SERGEF: variants seen among roughly 807,000 people sequenced by gnomAD.
The protein encoded by SERGEF is secretion-regulating guanine nucleotide exchange factor.
Under a neutral mutation model 50.0 loss-of-function variants are expected in SERGEF, and 51 were observed. The ratio of observed to expected loss-of-function variants is 1.02; its 90% confidence interval spans 0.81 to 1.29. The LOEUF (loss-of-function observed/expected upper bound fraction) is 1.29, where lower values mean the gene tolerates loss of function less well. Ranked by LOEUF, SERGEF falls within the 50% of genes most tolerant of loss-of-function variation. The pLI, the probability that SERGEF is intolerant of heterozygous loss-of-function variation, is 0.00. For missense variants in SERGEF, 521 were observed against 557.0 expected (o/e 0.94, Z 0.65); for synonymous variants, 205 against 212.4 (o/e 0.97, Z 0.30).
At chr11:17,920,089 T>C (rs527414834) in intron 9 of SERGEF, among the ~76,000 whole-genome samples, 7 of 150,922 alleles carry the variant, frequency 4.6e-5, no homozygotes, top group Non-Finnish European at 8.8e-5. Flanking sequence ...CTACTAAAAA[T>C]ATAAAAAATT....
At chr11:17,827,430 G>A (rs1373700175) in intron 10 of SERGEF, among the ~76,000 whole-genome samples, 1 of 152,184 alleles carries the variant, frequency 6.6e-6, no homozygotes, top group Non-Finnish European at 1.5e-5. Context: ...TCCCAGAAGA[G>A]AAATTTTGAA....
chr11:17,994,527 C>T lies in SERGEF; in HGVS notation c.622+1269G>A, dbSNP rs73428349. On this transcript the variant is annotated intron_variant, in intron 6 of 10. Coordinates refer to ENST00000265965, the MANE Select transcript of SERGEF (RefSeq NM_012139.4). ...CTTAGAATTTTTCCCAGAGGGAACA[C>T]AAAGGAAAAGGCATTTCGGGCAGAG... Among the ~76,000 whole-genome samples, 1,284 of 134,684 alleles carry T rather than the reference C, an allele frequency of 9.5e-3. 16 individuals are homozygous for T. Among genetic ancestry groups the T allele is most frequent in the African/African-American group, 0.029 (1,062 of 36,470 alleles). 88.4% of individuals were successfully genotyped at this position (134,684 alleles called of 152,430 possible).
intron 10 of SERGEF, among the ~76,000 whole-genome samples, chr11:17,858,139 C>A (rs1000620974): frequency 2.6e-5 from 4 of 152,184 alleles, no homozygotes; most frequent in African/African-American, 9.6e-5. Context: ...AAGGATAGGG[C>A]TGAAATCAGA....
chr11:17,849,824 T>G (rs961551311), intron 10 of SERGEF, among the ~76,000 whole-genome samples: 8 of 152,220 alleles, frequency 5.3e-5, no homozygotes, highest in African/African-American at 1.9e-4. Flanking sequence ...AAATCAGGAT[T>G]TAAACTCAAG....
chr11:17,807,334 CCCA>C (rs201880654), intron 10 of SERGEF, among the ~76,000 whole-genome samples: 3 of 69,998 alleles, frequency 4.3e-5, no homozygotes, highest in Non-Finnish European at 1.2e-4. Flanking sequence ...GAACTCCCCC[CCCA>C]CAAAAAAAAT....
intron 10 of SERGEF, among the ~76,000 whole-genome samples, chr11:17,791,042 C>A (rs570774770): frequency 2.2e-4 from 34 of 152,282 alleles, no homozygotes; most frequent in African/African-American, 7.7e-4. Flanking sequence ...GAAGTATCTT[C>A]TTCCAGAAGT....
intron 8 of SERGEF, among the ~76,000 whole-genome samples, chr11:17,976,985 C>T (rs567578080): frequency 5.0e-4 from 76 of 152,326 alleles, no homozygotes; most frequent in African/African-American, 1.8e-3. Flanking sequence ...GGAGCTGAGG[C>T]TCTGTGGCCT....
intron 3 of SERGEF, 59 bp from the exon 4 acceptor site, chr11:18,004,594 G>C: frequency 8.4e-7 from 1 of 1,191,640 alleles, no homozygotes; most frequent in Non-Finnish European, 1.2e-6. Flanking sequence ...GTGACCAATG[G>C]GTAAATGCTG....
At chr11:18,011,662 A>C (rs1242344432) in intron 1 of SERGEF, among the ~76,000 whole-genome samples, 1 of 152,270 alleles carries the variant, frequency 6.6e-6, no homozygotes, top group Non-Finnish European at 1.5e-5. Flanking sequence ...GAAGGGTGTC[A>C]ACAACCTATT....
intron 9 of SERGEF, among the ~76,000 whole-genome samples, chr11:17,908,208 T>C (rs1851887080): frequency 6.6e-6 from 1 of 152,176 alleles, no homozygotes; most frequent in Admixed American, 6.5e-5. Flanking sequence ...CAGAACAAAA[T>C]AGGAGTCCTA....
intron 9 of SERGEF, among the ~76,000 whole-genome samples, chr11:17,896,476 C>G (rs888434569): frequency 6.7e-6 from 1 of 148,936 alleles, no homozygotes; most frequent in East Asian, 2.0e-4. Context: ...TATGCTACAA[C>G]GTATCACATA....
Position 17,907,163 on chromosome 11 carries a change from C to CAAA in SERGEF, c.1012-28922_1012-28920dup, listed in dbSNP as rs200442630. 5.1e-4 allele frequency among the ~76,000 whole-genome samples: 59 copies of CAAA among 116,756 alleles called. 1 individual carries two copies. In the East Asian group the frequency reaches 8.3e-3, roughly 16 times the overall value. The allele number at this position is 116,756 out of a possible 152,430, so 76.6% of individuals were successfully genotyped here. A position where few individuals can be genotyped will look rare whatever the true frequency, so the allele number is the denominator to read the frequency against. On this transcript the variant is annotated intron_variant, in intron 9 of 10. Transcript: ENST00000265965. ...TCTGTCAAACTGTCAAACTTATGAC[C>CAAA]AAAAAAAAAAAAAAAAAAAATGTAC...
At chr11:17,833,802 T>G (rs2133856203) in intron 10 of SERGEF, among the ~76,000 whole-genome samples, 1 of 152,332 alleles carries the variant, frequency 6.6e-6, no homozygotes, top group Middle Eastern at 3.4e-3. Flanking sequence ...TGTAGCCCTT[T>G]GTTTTGGCCA....
At chr11:17,874,228 T>C (rs1300947230) in intron 10 of SERGEF, 1 of 152,184 alleles carries the variant, frequency 6.6e-6, no homozygotes, top group Non-Finnish European at 1.5e-5. Context: ...ACCTATGCCA[T>C]TGGGAAGAAC....
intron 10 of SERGEF, among the ~76,000 whole-genome samples, chr11:17,858,483 T>C (rs1850865723): frequency 6.6e-6 from 1 of 152,120 alleles, no homozygotes; most frequent in African/African-American, 2.4e-5. Flanking sequence ...AGTTCATAAA[T>C]ATTGATCTCT....
chr11:17,801,192 C>T, intron 10 of SERGEF, among the ~76,000 whole-genome samples: 1 of 59,852 alleles, frequency 1.7e-5, no homozygotes, highest in East Asian at 5.9e-4. Context: ...GAGACTCCGT[C>T]TCAAAAAAAA....
intron 9 of SERGEF, among the ~76,000 whole-genome samples, chr11:17,908,232 C>T (rs957877242): frequency 6.6e-6 from 1 of 152,184 alleles, no homozygotes; most frequent in Admixed American, 6.5e-5. Flanking sequence ...AATCTGGTTC[C>T]AGATGACCTC....
intron 8 of SERGEF, among the ~76,000 whole-genome samples, chr11:17,986,196 GT>G (rs1027135588): frequency 2.6e-5 from 4 of 152,192 alleles, no homozygotes; most frequent in Non-Finnish European, 4.4e-5. Context: ...TGAGTGCTGA[GT>G]CTGATTAAAT....
rs190990923 is a variant in SERGEF at position 17,871,318 on chromosome 11, G to A, written c.1048+6890C>T. On this transcript the variant is annotated intron_variant, in intron 10 of 10. Transcript: ENST00000265965. ...TACTAAAAAATACAAAAAATTAGCC[G>A]GGTGTGGTGGCAGGCGCCTGTAGTC... Among the ~76,000 whole-genome samples, 1,104 of 152,096 alleles carry A rather than the reference G, an allele frequency of 7.3e-3. 10 individuals carry two copies. Among genetic ancestry groups the A allele is most frequent in the African/African-American group, 0.024 (985 of 41,508 alleles).
Sources: allele counts gnomAD v4.1 joint callset (sites outside exome capture counted in the v4.1 genomes callset), GRCh38; gene constraint gnomAD v4.1.1; transcripts MANE v1.5; gene names NCBI Gene and HGNC (gene_info 2026-07-23, HGNC 2026-07-21).